Variants in PEX14 observed in about 807,000 individuals in gnomAD.
The protein encoded by PEX14 is peroxisomal membrane protein PEX14.
In PEX14, 15 loss-of-function variants were observed where a neutral mutation model predicts 49.5. The observed-to-expected ratio is 0.30, with a 90% CI of 0.20 to 0.47. The LOEUF is 0.47. PEX14 is among the 20% of genes least tolerant of loss of function. PEX14 has a pLI of 1.00. For missense variants in PEX14, 398 were observed against 494.8 expected (o/e 0.80, Z 1.86); for synonymous variants, 210 against 212.7 (o/e 0.99, Z 0.11).
intron 4 of PEX14, among the ~76,000 whole-genome samples, chr1:10,609,141 C>CA (rs1221161880): frequency 6.6e-6 from 1 of 152,208 alleles, no homozygotes; most frequent in African/African-American, 2.4e-5. Context: ...GGTTGTACCT[C>CA]ATTTTGTCCA....
chr1:10,494,563 G>C lies in PEX14; in HGVS notation c.37-711G>C, dbSNP rs1641523769. On this transcript the variant is annotated intron_variant, in intron 1 of 8. Coordinates refer to ENST00000356607, the MANE Select transcript of PEX14 (RefSeq NM_004565.3). The surrounding 1 kb of genome is among the most constrained non-coding windows in gnomAD (Gnocchi z 4.3). ...GGGTCGAAGGCGCCTGTGAGGGTGA[G>C]GTAGTGGCCCCAAGGAAGAGGAAAC... Among the ~76,000 whole-genome samples the C allele has an allele frequency of 1.3e-5, 2 of 152,222 alleles. No homozygotes were observed. The highest frequency in any genetic ancestry group is 4.1e-4 in the South Asian group (2 of 4,828).
chr1:10,627,595 C>T (rs1421964242), intron 8 of PEX14, among the ~76,000 whole-genome samples: 2 of 152,248 alleles, frequency 1.3e-5, no homozygotes, highest in East Asian at 1.9e-4. Flanking sequence ...AATACAGTTC[C>T]CAGGCCTGTG....
chr1:10,585,360 T>C (rs1397301749), intron 3 of PEX14, among the ~76,000 whole-genome samples: 1 of 152,026 alleles, frequency 6.6e-6, no homozygotes, highest in African/African-American at 2.4e-5. Flanking sequence ...AAGAGAGCAC[T>C]AAACAGGTCA....
intron 3 of PEX14, among the ~76,000 whole-genome samples, chr1:10,584,408 A>T (rs769009138): frequency 2.6e-5 from 4 of 152,224 alleles, no homozygotes; most frequent in Non-Finnish European, 5.9e-5. Context: ...AACATTGTTA[A>T]CTTCTTGATT....
chr1:10,536,101 C>A, intron 2 of PEX14, 112 bp from the exon 3 acceptor site: 1 of 761,850 alleles, frequency 1.3e-6, no homozygotes, highest in Non-Finnish European at 2.4e-6. Flanking sequence ...ATAAATTTGA[C>A]CACAATAGTA....
chr1:10,554,785 C>G (rs1210454659), intron 3 of PEX14, among the ~76,000 whole-genome samples: 2 of 151,878 alleles, frequency 1.3e-5, no homozygotes, highest in East Asian at 3.9e-4. Context: ...GCGATCTTGG[C>G]TCACTGCAAC....
intron 3 of PEX14, among the ~76,000 whole-genome samples, chr1:10,552,987 G>A (rs1639378929): frequency 6.6e-6 from 1 of 152,206 alleles, no homozygotes. Context: ...GGTGGGCAAA[G>A]GTGGGATCAG....
chr1:10,504,167 T>A (rs369852760), intron 2 of PEX14, among the ~76,000 whole-genome samples: 3 of 152,218 alleles, frequency 2.0e-5, no homozygotes, highest in East Asian at 1.9e-4. Flanking sequence ...GAAGATAAAG[T>A]GGTGCTTTGG....
Position 10,535,512 on chromosome 1 carries a change from C to T in PEX14, c.85-701C>T, listed in dbSNP as rs80118636. Among the ~76,000 whole-genome samples, 1,108 of 152,258 alleles carry T rather than the reference C, an allele frequency of 7.3e-3. 19 individuals are homozygous for T. Among genetic ancestry groups the T allele is most frequent in the African/African-American group, 0.025 (1,053 of 41,532 alleles). ...AGTGAATGGCAGTGGGTGTTGTCTC[C>T]GACATAATCCCTTCCAGCCGGGACG... On this transcript the variant is annotated intron_variant, in intron 2 of 8. Transcript: ENST00000356607.
intron 3 of PEX14, among the ~76,000 whole-genome samples, chr1:10,573,726 A>G (rs1458735587): frequency 6.6e-6 from 1 of 152,216 alleles, no homozygotes; most frequent in East Asian, 1.9e-4. Flanking sequence ...TAGCAATTCC[A>G]TTATTAGACA....
chr1:10,546,629 G>A (rs934259999), intron 3 of PEX14, among the ~76,000 whole-genome samples: 1 of 148,472 alleles, frequency 6.7e-6, no homozygotes, highest in African/African-American at 2.5e-5. Flanking sequence ...CACTTTGGGA[G>A]GCCAAGGTGG....
rs191708317 is a variant in PEX14, at chr1:10,514,540, C to T, written c.84+19219C>T. ...TCCACGTTCACACAGGAACTTTGGGCCTAAGACGCAACTCAAGGGAAAGCC... is the reference window on the plus strand; with the variant it reads ...TCCACGTTCACACAGGAACTTTGGGTCTAAGACGCAACTCAAGGGAAAGCC... On this transcript the variant is annotated intron_variant, in intron 2 of 8. Transcript: ENST00000356607. The surrounding 1 kb of genome is among the most constrained non-coding windows in gnomAD (Gnocchi z 4.4). 4.6e-5 allele frequency among the ~76,000 whole-genome samples: 7 copies of T among 152,236 alleles called. No homozygotes were observed. In the East Asian group the frequency reaches 1.4e-3, roughly 29 times the overall value.
chr1:10,593,856 A>G (rs1472049138), intron 3 of PEX14, among the ~76,000 whole-genome samples: 3 of 152,192 alleles, frequency 2.0e-5, no homozygotes, highest in African/African-American at 7.2e-5. Flanking sequence ...CTGTAATATC[A>G]AGGTGCTGCC....
At chr1:10,598,394 G>A (rs917450963) in intron 3 of PEX14, among the ~76,000 whole-genome samples, 6 of 152,178 alleles carry the variant, frequency 3.9e-5, no homozygotes, top group Non-Finnish European at 8.8e-5. Context: ...CTCAGACCCG[G>A]TGGAAATATC....
At chr1:10,588,291 C>T (rs1248910158) in intron 3 of PEX14, among the ~76,000 whole-genome samples, 6 of 152,092 alleles carry the variant, frequency 3.9e-5, no homozygotes, top group Non-Finnish European at 8.8e-5. Flanking sequence ...ATCCTCTTGC[C>T]TCATCCTCCC....
rs1429709672 is a variant in PEX14 at position 10,627,190 on chromosome 1, C to A, written c.586-82C>A. 6.5e-6 allele frequency: 6 copies of A among 922,142 alleles called. No individual in the cohort carries two copies. In the African/African-American group the frequency reaches 9.7e-5, roughly 15 times the overall value. 57.1% of individuals were successfully genotyped at this position (922,142 alleles called of 1,614,324 possible). ...GACCCAGAAGGCCCCACCTGCTGCCCCCACCCAGGTCCTCCTGCAGCCGCA... is the reference window on the plus strand; with the variant it reads ...GACCCAGAAGGCCCCACCTGCTGCCACCACCCAGGTCCTCCTGCAGCCGCA... On this transcript the variant is annotated intron_variant, in intron 7 of 8. Coordinates refer to ENST00000356607, the MANE Select transcript of PEX14 (RefSeq NM_004565.3).
chr1:10,595,117 C>T (rs1640800080), intron 3 of PEX14, among the ~76,000 whole-genome samples: 1 of 152,134 alleles, frequency 6.6e-6, no homozygotes, highest in Admixed American at 6.5e-5. Flanking sequence ...GTCCAGGGAG[C>T]TCTTCTGGAG....
At chr1:10,485,784 C>T (rs902552614) in intron 1 of PEX14, among the ~76,000 whole-genome samples, 7 of 146,748 alleles carry the variant, frequency 4.8e-5, no homozygotes, top group Admixed American at 3.4e-4. Flanking sequence ...GAGACAGACT[C>T]ATGCTGTGTC....
At chr1:10,555,642 A>AGAGT (rs71583878) in intron 3 of PEX14, among the ~76,000 whole-genome samples, 2 of 149,372 alleles carry the variant, frequency 1.3e-5, no homozygotes, top group African/African-American at 2.5e-5. Context: ...GCAAGGTGTG[A>AGAGT]GTGTGTGTGT....
Sources: allele counts gnomAD v4.1 joint callset (sites outside exome capture counted in the v4.1 genomes callset), GRCh38; gene constraint gnomAD v4.1.1; non-coding constraint Gnocchi (gnomAD v3.1); transcripts MANE v1.5; gene names NCBI Gene and HGNC (gene_info 2026-07-23, HGNC 2026-07-21).